The following MAST3 variants were observed in gnomAD, a reference collection of about 807,000 sequenced individuals.
The protein encoded by MAST3 is microtubule associated serine/threonine kinase 3, also known as microtubule-associated serine/threonine-protein kinase 3.
In MAST3, 43 loss-of-function variants were observed where a neutral mutation model predicts 127.0. The observed-to-expected ratio is 0.34, with a 90% CI of 0.27 to 0.44. MAST3 has a LOEUF of 0.44. MAST3 is among the 20% of genes least tolerant of loss of function. The pLI, the probability that MAST3 is intolerant of heterozygous loss-of-function variation, is 1.00. For synonymous variants in MAST3, 785 were observed against 809.2 expected (o/e 0.97, Z 0.51); for missense variants, 1,390 against 1,919.1 (o/e 0.72, Z 5.15).
At chr19:18,129,570 A>G (rs1411349770) in intron 13 of MAST3, among the ~76,000 whole-genome samples, 1 of 152,184 alleles carries the variant, frequency 6.6e-6, no homozygotes, top group Non-Finnish European at 1.5e-5. Context: ...ACAGGCTCTC[A>G]GTGGCTAAAA....
In MAST3 at chr19:18,113,283, C is replaced by T. The variant is rs1045192293; in HGVS notation, c.161+2542C>T. Among the ~76,000 whole-genome samples, 27 of 152,042 alleles carry T rather than the reference C, an allele frequency of 1.8e-4. 1 individual carries two copies. Among genetic ancestry groups the T allele is most frequent in the Non-Finnish European group, 7.4e-5 (5 of 67,998 alleles). On this transcript the variant is annotated intron_variant, in intron 3 of 27. Coordinates refer to ENST00000687212, the MANE Select transcript of MAST3 (RefSeq NM_001393504.1). ...CCAACAGAGTCCAGCCTCTGCAACTCCCCTGCCTCCTTTTTTTTTTTGAGA... is the reference window on the plus strand; with the variant it reads ...CCAACAGAGTCCAGCCTCTGCAACTTCCCTGCCTCCTTTTTTTTTTTGAGA...
chr19:18,119,515 T>C (rs921398155), intron 3 of MAST3, among the ~76,000 whole-genome samples: 4 of 152,208 alleles, frequency 2.6e-5, no homozygotes, highest in African/African-American at 9.7e-5. Flanking sequence ...GTCTGGAAAA[T>C]GGGCTCAGCT....
chr19:18,120,834 G>A (rs1461428290), intron 3 of MAST3, among the ~76,000 whole-genome samples: 1 of 152,142 alleles, frequency 6.6e-6, no homozygotes, highest in Non-Finnish European at 1.5e-5. Flanking sequence ...CGATTCTCCT[G>A]CCTCAGCCTA....
intron 1 of MAST3, among the ~76,000 whole-genome samples, chr19:18,106,365 A>T (rs1209005152): frequency 6.7e-6 from 1 of 149,236 alleles, no homozygotes; most frequent in African/African-American, 2.5e-5. Context: ...GATCCTCCCG[A>T]GTAGCTGGGG....
intron 1 of MAST3, among the ~76,000 whole-genome samples, chr19:18,098,520 G>A (rs557180610): frequency 2.0e-5 from 3 of 152,128 alleles, no homozygotes; most frequent in Non-Finnish European, 4.4e-5. Context: ...TTAGGAGGCT[G>A]TGTCATCAGG....
In MAST3 at chr19:18,150,057, G is replaced by C. The variant is rs2043428200; in HGVS notation, c.*331G>C. On this transcript the variant is annotated 3_prime_UTR_variant, in exon 28 of 28. Transcript: ENST00000687212. ...GCTGGAGTGCAGCGGCGTGATCTCA[G>C]CTCACTGCAACCTCCGCCTCCCAAG... 1 of 261,038 alleles carries C rather than the reference G, an allele frequency of 3.8e-6. No homozygotes were observed. The highest frequency in any genetic ancestry group is 7.2e-6 in the Non-Finnish European group (1 of 139,514). 16.2% of individuals were successfully genotyped at this position (261,038 alleles called of 1,614,324 possible). A position where few individuals can be genotyped will look rare whatever the true frequency, so the allele number is the denominator to read the frequency against.
At chr19:18,122,800 G>T (rs761090835) in intron 6 of MAST3, 49 bp downstream of exon 6, 16 of 1,556,500 alleles carry the variant, frequency 1.0e-5, no homozygotes, top group African/African-American at 4.1e-5. Flanking sequence ...GCCGGGTTGT[G>T]GGGGGACACA....
intron 1 of MAST3, among the ~76,000 whole-genome samples, chr19:18,102,532 A>G (rs1378214542): frequency 2.2e-5 from 3 of 134,222 alleles, no homozygotes; most frequent in East Asian, 4.5e-4. Context: ...CCCAGGCTGG[A>G]GTACAATGGT....
intron 14 of MAST3, among the ~76,000 whole-genome samples, chr19:18,131,247 T>C (rs2147383210): frequency 6.6e-6 from 1 of 151,862 alleles, no homozygotes; most frequent in Admixed American, 6.6e-5. Flanking sequence ...GAAACCCCCA[T>C]TCACGCCTAT....
chr19:18,121,685 C>T lies in MAST3; in HGVS notation c.162C>T (p.Ser54=). Residue 54 remains serine (S), a splice_region_variant and synonymous_variant, in exon 4 of 28, where the codon AGC becomes AGT. Coordinates refer to ENST00000687212, the MANE Select transcript of MAST3 (RefSeq NM_001393504.1). ...CSPSLGLHPW[S]CRSGNRKSLV... ...ACCCTGTCCCCTTTTCCCCCCACAG[C>T]TGCCGCAGCGGGAACCGCAAGAGCT... is the stretch of plus-strand genomic sequence containing the variant. 1 of 1,613,554 alleles carries T rather than the reference C, an allele frequency of 6.2e-7. No homozygotes were observed. Among genetic ancestry groups the T allele is most frequent in the Non-Finnish European group, 8.5e-7 (1 of 1,179,756 alleles).
At chr19:18,103,919 A>T (rs1005838551) in intron 1 of MAST3, among the ~76,000 whole-genome samples, 1 of 152,006 alleles carries the variant, frequency 6.6e-6, no homozygotes, top group Non-Finnish European at 1.5e-5. Context: ...GTGGTATAAG[A>T]TCCCACAACT....
chr19:18,101,882 CTTTTTT>C (rs760652186), intron 1 of MAST3, among the ~76,000 whole-genome samples: 4 of 69,344 alleles, frequency 5.8e-5, no homozygotes, highest in African/African-American at 1.2e-4. Context: ...GCCTCAAACT[CTTTTTT>C]TTTTTTTTTT....
chr19:18,130,207 C>A (rs1386176449), intron 13 of MAST3, among the ~76,000 whole-genome samples: 3 of 152,048 alleles, frequency 2.0e-5, no homozygotes, highest in Admixed American at 2.0e-4. Context: ...CAGAGTGAGG[C>A]GCTATCTCAA....
intron 19 of MAST3, 142 bp from the exon 20 acceptor site, chr19:18,138,873 T>TA: frequency 1.6e-6 from 1 of 633,928 alleles, no homozygotes; most frequent in Non-Finnish European, 2.9e-6. Flanking sequence ...CCGTGGTCCT[T>TA]AAACACACCA....
At chr19:18,139,801 T>C (rs2042250417) in intron 20 of MAST3, among the ~76,000 whole-genome samples, 1 of 151,544 alleles carries the variant, frequency 6.6e-6, no homozygotes, top group Admixed American at 6.6e-5. Context: ...AATTTGCTTT[T>C]GTTTTAGCCA....
chr19:18,139,965 G>C (rs2042282416), intron 20 of MAST3, among the ~76,000 whole-genome samples: 1 of 149,342 alleles, frequency 6.7e-6, no homozygotes, highest in Non-Finnish European at 1.5e-5. Flanking sequence ...GATTACAGGT[G>C]CCCGCCACCA....
intron 11 of MAST3, among the ~76,000 whole-genome samples, chr19:18,127,847 A>AGC (rs79278075): frequency 0.63 from 96,196 of 151,796 alleles, 31,368 homozygotes; most frequent in East Asian, 0.85. Flanking sequence ...TGACAGAGCG[A>AGC]GACTCCATGT....
chr19:18,116,285 ATTTTTTATTT>A (rs984464006), intron 3 of MAST3, among the ~76,000 whole-genome samples: 1 of 146,452 alleles, frequency 6.8e-6, no homozygotes, highest in Non-Finnish European at 1.5e-5. Flanking sequence ...TATTTCTTTT[ATTTTTTATTT>A]TTTTTTATTT....
At position 18,151,285 on chromosome 19, in the gene MAST3, C is replaced by G. The variant is rs1268136072; in HGVS notation, c.*1559C>G. The G allele has an allele frequency of 6.6e-6, 1 of 152,222 alleles. No individual in the cohort carries two copies. Among genetic ancestry groups the G allele is most frequent in the Non-Finnish European group, 1.5e-5 (1 of 68,054 alleles). The allele number at this position is 152,222 out of a possible 1,614,324, so 9.4% of individuals were successfully genotyped here. On this transcript the variant is annotated 3_prime_UTR_variant, in exon 28 of 28. Coordinates refer to ENST00000687212, the MANE Select transcript of MAST3 (RefSeq NM_001393504.1). ...TTTACGTGGCTTCTCCCTCAGCCAG[C>G]CTTGAGAAGGCTGGAGGTGGTGTCA...
Sources: allele counts gnomAD v4.1 joint callset (sites outside exome capture counted in the v4.1 genomes callset), GRCh38; gene constraint gnomAD v4.1.1; transcripts MANE v1.5; gene names NCBI Gene and HGNC (gene_info 2026-07-23, HGNC 2026-07-21).